PRKCE: variants seen among roughly 807,000 people sequenced by gnomAD.
PRKCE encodes the protein protein kinase C epsilon.
Under a neutral mutation model 85.4 loss-of-function variants are expected in PRKCE, and 16 were observed. The ratio of observed to expected loss-of-function variants is 0.19; its 90% CI spans 0.13 to 0.28. The LOEUF (loss-of-function observed/expected upper bound fraction) is 0.28. Among genes scored for constraint, PRKCE ranks in the 10% least tolerant of loss-of-function variants. The pLI is 1.00. For synonymous variants in PRKCE, 388 were observed against 371.5 expected (o/e 1.04, Z -0.51); for missense variants, 573 against 975.2 (o/e 0.59, Z 5.49).
intron 2 of PRKCE, among the ~76,000 whole-genome samples, chr2:45,884,992 TATA>T (rs1311558961): frequency 0.015 from 1,072 of 71,834 alleles, 72 homozygotes; most frequent in Non-Finnish European, 0.023. Context: ...TATATATATA[TATA>T]TATATATTTG....
intron 2 of PRKCE, among the ~76,000 whole-genome samples, chr2:45,947,121 C>G (rs531053516): frequency 6.6e-6 from 1 of 152,132 alleles, no homozygotes; most frequent in Non-Finnish European, 1.5e-5. Context: ...TCTGTGCAAT[C>G]GAATGTTATT....
At chr2:45,725,065 A>G (rs560669765) in intron 1 of PRKCE, among the ~76,000 whole-genome samples, 26 of 152,372 alleles carry the variant, frequency 1.7e-4, no homozygotes, top group African/African-American at 6.3e-4. Flanking sequence ...TCAAAGCTTC[A>G]AAGGCCAGCC....
chr2:45,846,182 G>A (rs1162953804), intron 2 of PRKCE, among the ~76,000 whole-genome samples: 1 of 152,136 alleles, frequency 6.6e-6, no homozygotes, highest in Admixed American at 6.5e-5. Context: ...AGGTAACAGA[G>A]GCATAAACAG....
intron 6 of PRKCE, among the ~76,000 whole-genome samples, chr2:45,994,039 A>G (rs1233437056): frequency 6.6e-6 from 1 of 151,968 alleles, no homozygotes; most frequent in Non-Finnish European, 1.5e-5. Context: ...ACAGGTGACC[A>G]GGTTATGTAG....
intron 10 of PRKCE, among the ~76,000 whole-genome samples, chr2:46,038,522 C>T (rs946751066): frequency 6.6e-6 from 1 of 152,094 alleles, no homozygotes; most frequent in African/African-American, 2.4e-5. Flanking sequence ...GAACTGGCTT[C>T]AGAAGAGGCT....
chr2:46,008,413 G>A (rs970851398), intron 9 of PRKCE, among the ~76,000 whole-genome samples: 2 of 152,216 alleles, frequency 1.3e-5, no homozygotes, highest in African/African-American at 4.8e-5. Context: ...GCAGGGAGCA[G>A]AGGAAGCTGT....
intron 10 of PRKCE, among the ~76,000 whole-genome samples, chr2:46,015,153 C>T (rs1435431445): frequency 6.6e-6 from 1 of 152,016 alleles, no homozygotes; most frequent in Non-Finnish European, 1.5e-5. Context: ...TTTGGAATTG[C>T]CTCTCCCAGT....
chr2:46,113,100 A>G (rs1672428817), intron 11 of PRKCE, among the ~76,000 whole-genome samples: 1 of 152,214 alleles, frequency 6.6e-6, no homozygotes. Flanking sequence ...TAATATAATT[A>G]CTGTATTAGT....
intron 10 of PRKCE, among the ~76,000 whole-genome samples, chr2:46,080,311 G>C (rs1668953809): frequency 6.6e-6 from 1 of 150,408 alleles, no homozygotes; most frequent in South Asian, 2.1e-4. Flanking sequence ...ATTTTACCTT[G>C]CTTTAAAACA....
At chr2:46,128,463 A>AT (rs1056981410) in intron 11 of PRKCE, among the ~76,000 whole-genome samples, 4 of 152,194 alleles carry the variant, frequency 2.6e-5, no homozygotes, top group Admixed American at 2.6e-4. Flanking sequence ...TGTTATCCCC[A>AT]TTTTATGGGT....
At chr2:46,091,861 G>T (rs1188530138) in intron 11 of PRKCE, among the ~76,000 whole-genome samples, 2 of 152,224 alleles carry the variant, frequency 1.3e-5, no homozygotes, top group African/African-American at 2.4e-5. Context: ...TCACTTTAGA[G>T]AAATGAATTA....
intron 1 of PRKCE, among the ~76,000 whole-genome samples, chr2:45,783,489 T>C (rs901562219): frequency 1.3e-5 from 2 of 152,198 alleles, no homozygotes; most frequent in African/African-American, 4.8e-5. Context: ...GGAACTGCAG[T>C]CATCTCCTTT....
chr2:46,114,274 G>A (rs1483126851), intron 11 of PRKCE, among the ~76,000 whole-genome samples: 1 of 152,086 alleles, frequency 6.6e-6, no homozygotes, highest in Non-Finnish European at 1.5e-5. Context: ...ACATTTCTGT[G>A]CCTGTCTTAG....
chr2:45,729,504 G>A (rs1009677655), intron 1 of PRKCE, among the ~76,000 whole-genome samples: 4 of 152,040 alleles, frequency 2.6e-5, no homozygotes, highest in Non-Finnish European at 5.9e-5. Flanking sequence ...ATTACTTTCC[G>A]ATTCCTTTTC....
intron 14 of PRKCE, among the ~76,000 whole-genome samples, chr2:46,172,703 C>T (rs1477426708): frequency 1.3e-5 from 2 of 152,202 alleles, no homozygotes; most frequent in Non-Finnish European, 2.9e-5. Context: ...GTGTTCTCAG[C>T]CATTTTTACA....
chr2:46,029,682 T>TG (rs1322136389), intron 10 of PRKCE, among the ~76,000 whole-genome samples: 1 of 114,188 alleles, frequency 8.8e-6, no homozygotes, highest in Admixed American at 8.0e-5. Context: ...TGTCGTCGTA[T>TG]GGGTTTTTTT....
chr2:45,738,962 G>C (rs777618671), intron 1 of PRKCE, among the ~76,000 whole-genome samples: 1 of 152,166 alleles, frequency 6.6e-6, no homozygotes, highest in African/African-American at 2.4e-5. Flanking sequence ...GGGCAGTGTT[G>C]GTTCATGTAC....
At chr2:46,083,114 G>A (rs1669255066) in intron 10 of PRKCE, among the ~76,000 whole-genome samples, 1 of 152,148 alleles carries the variant, frequency 6.6e-6, no homozygotes, top group African/African-American at 2.4e-5. Flanking sequence ...ACCATGCCCA[G>A]CTAATTTTGT....
At chr2:45,816,688 T>C (rs1371744628) in intron 1 of PRKCE, among the ~76,000 whole-genome samples, 3 of 152,184 alleles carry the variant, frequency 2.0e-5, no homozygotes, top group Admixed American at 6.5e-5. Flanking sequence ...GCACAGCCTA[T>C]TCCTGTACCA....
Sources: gnomAD v4.1 joint callset for allele counts (sites outside exome capture counted in the v4.1 genomes callset) on GRCh38, gnomAD v4.1.1 for gene constraint, MANE v1.5 for transcripts, NCBI Gene and HGNC (gene_info 2026-07-23, HGNC 2026-07-21) for gene names.